The following DIAPH3 variants were observed in gnomAD, a reference collection of about 807,000 sequenced individuals.
The protein encoded by DIAPH3 is protein diaphanous homolog 3.
DIAPH3 carries 117 observed loss-of-function variants against 144.3 expected under a neutral mutation model. That is an observed-to-expected ratio of 0.81 (90% CI 0.70 to 0.95). DIAPH3 has a LOEUF of 0.95. DIAPH3 is among the 40% of genes least tolerant of loss of function. The pLI, the probability that DIAPH3 is intolerant of heterozygous loss-of-function variation, is 0.00. For missense variants in DIAPH3, 1,421 were observed against 1,412.7 expected (o/e 1.01, Z -0.09); for synonymous variants, 519 against 488.9 (o/e 1.06, Z -0.81).
chr13:59,774,311 A>C, intron 26 of DIAPH3, 63 bp from the exon 27 acceptor site: 1 of 1,347,988 alleles, frequency 7.4e-7, no homozygotes. Context: ...GAAGGAAAAC[A>C]GTATTAGACA....
At chr13:59,871,130 A>G (rs2044244094) in intron 21 of DIAPH3, among the ~76,000 whole-genome samples, 1 of 148,448 alleles carries the variant, frequency 6.7e-6, no homozygotes, top group African/African-American at 2.5e-5. Context: ...AGGTGACCTC[A>G]TAATCTAAAA....
intron 27 of DIAPH3, among the ~76,000 whole-genome samples, chr13:59,708,251 G>C (rs990671220): frequency 6.6e-6 from 1 of 151,890 alleles, no homozygotes; most frequent in African/African-American, 2.4e-5. Context: ...ACGTTTTAGA[G>C]ATGGAGTCTC....
chr13:60,157,469 A>G (rs1033103663), intron 1 of DIAPH3, among the ~76,000 whole-genome samples: 1 of 152,098 alleles, frequency 6.6e-6, no homozygotes, highest in Non-Finnish European at 1.5e-5. Flanking sequence ...CTGTTTCTCT[A>G]CAGAGGTTTC....
intron 5 of DIAPH3, among the ~76,000 whole-genome samples, chr13:60,026,617 T>C (rs1174577177): frequency 6.6e-6 from 1 of 151,638 alleles, no homozygotes; most frequent in Non-Finnish European, 1.5e-5. Flanking sequence ...AAAAAAAAAA[T>C]GTTTGGGGTA....
chr13:59,946,619 C>G (rs1022423668), intron 17 of DIAPH3, among the ~76,000 whole-genome samples: 1 of 152,072 alleles, frequency 6.6e-6, no homozygotes, highest in Non-Finnish European at 1.5e-5. Flanking sequence ...TACATGCAAA[C>G]ACACAAAGAG....
At chr13:60,112,523 T>G (rs985201601) in intron 2 of DIAPH3, among the ~76,000 whole-genome samples, 1 of 152,200 alleles carries the variant, frequency 6.6e-6, no homozygotes, top group African/African-American at 2.4e-5. Flanking sequence ...GATAATTTAG[T>G]GTTGGTCCCA....
chr13:59,787,004 C>T (rs61151049), intron 25 of DIAPH3, among the ~76,000 whole-genome samples: 258 of 152,006 alleles, frequency 1.7e-3, no homozygotes, highest in African/African-American at 5.7e-3. Flanking sequence ...CAAGGGGTGA[C>T]GTGGGGGGAT....
intron 4 of DIAPH3, among the ~76,000 whole-genome samples, chr13:60,069,766 G>C (rs1020746130): frequency 1.3e-5 from 2 of 152,080 alleles, no homozygotes; most frequent in African/African-American, 4.8e-5. Context: ...TGTCAACTTT[G>C]TCAAAGATCA....
intron 20 of DIAPH3, among the ~76,000 whole-genome samples, chr13:59,897,461 G>A (rs554798157): frequency 6.6e-6 from 1 of 152,144 alleles, no homozygotes; most frequent in Non-Finnish European, 1.5e-5. Flanking sequence ...TAAGGAAAGT[G>A]GGTGCTGGCC....
chr13:59,990,700 A>G (rs1162399726), intron 12 of DIAPH3, among the ~76,000 whole-genome samples: 1 of 151,940 alleles, frequency 6.6e-6, no homozygotes, highest in Non-Finnish European at 1.5e-5. Context: ...GATATAATCA[A>G]TCTTTAAAAG....
intron 3 of DIAPH3, among the ~76,000 whole-genome samples, chr13:60,095,988 A>G (rs1357101404): frequency 6.6e-6 from 1 of 152,202 alleles, no homozygotes; most frequent in Non-Finnish European, 1.5e-5. Context: ...GAGATTCAAG[A>G]GTATGAATTT....
At chr13:59,978,599 T>G (rs1334947736) in intron 14 of DIAPH3, among the ~76,000 whole-genome samples, 2 of 151,740 alleles carry the variant, frequency 1.3e-5, no homozygotes, top group Non-Finnish European at 2.9e-5. Context: ...GTATTACTTA[T>G]GAAAAAATAA....
At chr13:59,723,590 A>G (rs2035453103) in intron 27 of DIAPH3, among the ~76,000 whole-genome samples, 1 of 151,172 alleles carries the variant, frequency 6.6e-6, no homozygotes, top group Non-Finnish European at 1.5e-5. Flanking sequence ...GTTAAGTGAC[A>G]CTGATCGAAA....
intron 17 of DIAPH3, among the ~76,000 whole-genome samples, chr13:59,928,542 G>A (rs1299720205): frequency 6.6e-6 from 1 of 152,124 alleles, no homozygotes; most frequent in Non-Finnish European, 1.5e-5. Context: ...AATAAGCTAA[G>A]ACTTTTTCCT....
At position 60,093,856 on chromosome 13, in the gene DIAPH3, A is replaced by G. The variant is rs1045061941; in HGVS notation, c.391-124T>C. On this transcript the variant is annotated intron_variant, in intron 3 of 27. Transcript: ENST00000400324. Reference sequence around the variant, plus strand: ...AGCATTAATTGTTTTGGAATGATTTACGTGTAGTTCTGCCTGAAGGAAGGA... The same window carrying G: ...AGCATTAATTGTTTTGGAATGATTTGCGTGTAGTTCTGCCTGAAGGAAGGA... The G allele has an allele frequency of 1.7e-5, 12 of 704,464 alleles. No individual in the cohort carries two copies. In the South Asian group the frequency reaches 1.9e-4, roughly 11 times the overall value. The allele number at this position is 704,464 out of a possible 1,614,324, so 43.6% of individuals were successfully genotyped here. A position where few individuals can be genotyped will look rare whatever the true frequency, so the allele number is the denominator to read the frequency against.
chr13:59,979,481 T>C (rs1012872322), intron 14 of DIAPH3, among the ~76,000 whole-genome samples: 1 of 151,570 alleles, frequency 6.6e-6, no homozygotes, highest in African/African-American at 2.4e-5. Context: ...CATTAATTTG[T>C]TTCCCCCACT....
intron 17 of DIAPH3, among the ~76,000 whole-genome samples, chr13:59,945,848 T>A (rs1232213064): frequency 6.6e-6 from 1 of 152,116 alleles, no homozygotes; most frequent in Non-Finnish European, 1.5e-5. Context: ...GTATTTTCCA[T>A]AACAATTATA....
intron 27 of DIAPH3, among the ~76,000 whole-genome samples, chr13:59,757,625 C>T (rs2037355879): frequency 6.6e-6 from 1 of 152,008 alleles, no homozygotes; most frequent in Non-Finnish European, 1.5e-5. Flanking sequence ...TGGTCTCGAT[C>T]TCCTGACCTC....
At chr13:59,673,125 A>C (rs2032466420) in intron 27 of DIAPH3, among the ~76,000 whole-genome samples, 1 of 152,202 alleles carries the variant, frequency 6.6e-6, no homozygotes, top group South Asian at 2.1e-4. Context: ...TGCACACAAC[A>C]ACCAGGATAG....
Sources: allele counts gnomAD v4.1 joint callset (sites outside exome capture counted in the v4.1 genomes callset), GRCh38; gene constraint gnomAD v4.1.1; transcripts MANE v1.5; gene names NCBI Gene and HGNC (gene_info 2026-07-23, HGNC 2026-07-21).